Variants in FREM1 observed in about 807,000 individuals in gnomAD.
FREM1 encodes the protein FRAS1-related extracellular matrix protein 1.
In FREM1, 220 loss-of-function variants were observed where a neutral mutation model predicts 210.1. The observed-to-expected ratio is 1.05, with a 90% CI of 0.94 to 1.17. FREM1 has a LOEUF of 1.17. Ranked by LOEUF, FREM1 falls within the 50% of genes most tolerant of loss-of-function variation. FREM1 has a pLI of 0.00. For synonymous variants in FREM1, 1,189 were observed against 980.2 expected (o/e 1.21, Z -3.98); for missense variants, 3,454 against 2,675.5 (o/e 1.29, Z -6.42).
intron 13 of FREM1, among the ~76,000 whole-genome samples, chr9:14,822,164 G>A (rs1416363651): frequency 1.3e-5 from 2 of 152,162 alleles, no homozygotes; most frequent in Non-Finnish European, 2.9e-5. Context: ...CCATGGTTGT[G>A]AGGCTTCCCT....
chr9:14,860,673 A>G (rs1227811570), intron 3 of FREM1, among the ~76,000 whole-genome samples: 6 of 113,168 alleles, frequency 5.3e-5, no homozygotes, highest in Non-Finnish European at 8.3e-5. Context: ...ACATATATAC[A>G]CACATATATA....
intron 29 of FREM1, 69 bp downstream of exon 29, chr9:14,756,305 C>A (rs1339341719): frequency 8.9e-7 from 1 of 1,125,070 alleles, no homozygotes; most frequent in Admixed American, 2.3e-5. Flanking sequence ...TCTCTACAAT[C>A]TCCAGACATG....
intron 14 of FREM1, among the ~76,000 whole-genome samples, chr9:14,818,560 G>C (rs1295945888): frequency 6.6e-6 from 1 of 152,160 alleles, no homozygotes; most frequent in East Asian, 1.9e-4. Flanking sequence ...CATTGCTTTT[G>C]AATAGCTTGT....
At position 14,845,955 on chromosome 9, in the gene FREM1, T is replaced by TTCACC; in HGVS notation, c.1393_1393+4dup. On this transcript the variant is annotated splice_donor_region_variant and intron_variant, in intron 8 of 36. Transcript: ENST00000380880. ...TTTGCTAGGTTACCAAGTTGGATCA[T>TTCACC]TCACCTCTTAAAGTCAGCCATCCAT... The TTCACC allele has an allele frequency of 6.2e-7, 1 of 1,613,386 alleles. No individual in the cohort carries two copies. The highest frequency in any genetic ancestry group is 8.5e-7 in the Non-Finnish European group (1 of 1,179,536).
At chr9:14,786,865 G>A (rs899670135) in intron 23 of FREM1, among the ~76,000 whole-genome samples, 3 of 152,200 alleles carry the variant, frequency 2.0e-5, no homozygotes, top group Admixed American at 6.5e-5. Context: ...AAGGAAGTAA[G>A]AAGAATGAAT....
In FREM1 at chr9:14,859,266, G is replaced by A. The variant is rs1228729405; in HGVS notation, c.548C>T (p.Pro183Leu). 4 of 1,613,722 alleles carry A rather than the reference G, an allele frequency of 2.5e-6. No homozygotes were observed. The highest frequency in any genetic ancestry group is 3.4e-6 in the Non-Finnish European group (4 of 1,179,714). Residue 183 changes from proline to leucine, a missense_variant, in exon 4 of 37, where the codon CCA (proline) becomes CTA (leucine). By Grantham distance (98) the Pro-to-Leu change is moderately conservative (BLOSUM62 -3). Transcript: ENST00000380880. ...CCCGAGAACCATCTGGCCATGGGCTGGCAGCCGAGTTCTCGCAGTGTCCAG... is the reference window on the plus strand; with the variant it reads ...CCCGAGAACCATCTGGCCATGGGCTAGCAGCCGAGTTCTCGCAGTGTCCAG... ...VSLDTARTRL[P>L]AHGQMVLGEP...
rs867743559 is a variant in FREM1 at position 14,860,613 on chromosome 9, A to C, written c.330-1129T>G. ...TATATACATATATACACATATATAC[A>C]CACATATATATACACATATATACAC... On this transcript the variant is annotated intron_variant, in intron 3 of 36. Transcript: ENST00000380880. Among the ~76,000 whole-genome samples the C allele has an allele frequency of 2.8e-5, 4 of 141,466 alleles. No homozygotes were observed. In the South Asian group the frequency reaches 8.8e-4, roughly 31 times the overall value. 92.8% of individuals were successfully genotyped at this position (141,466 alleles called of 152,430 possible).
intron 21 of FREM1, among the ~76,000 whole-genome samples, chr9:14,793,637 G>T (rs4741432): frequency 0.97 from 148,001 of 152,272 alleles, 72,055 homozygotes; most frequent in Middle Eastern, 1. Flanking sequence ...TTTCCACCAG[G>T]GTTTCTAGCT....
intron 10 of FREM1, among the ~76,000 whole-genome samples, chr9:14,830,487 T>A (rs1407089869): frequency 6.6e-6 from 1 of 152,210 alleles, no homozygotes; most frequent in Non-Finnish European, 1.5e-5. Flanking sequence ...TATTTCTCAA[T>A]GGAGTTTGTT....
chr9:14,754,777 C>CA (rs537241618), intron 29 of FREM1, among the ~76,000 whole-genome samples: 37 of 151,970 alleles, frequency 2.4e-4, no homozygotes, highest in South Asian at 1.2e-3. Flanking sequence ...ACTAAAAATA[C>CA]AAAAAAATTA....
At chr9:14,804,430 A>G (rs988029827) in intron 19 of FREM1, among the ~76,000 whole-genome samples, 1 of 152,036 alleles carries the variant, frequency 6.6e-6, no homozygotes, top group Admixed American at 6.5e-5. Context: ...GTGAAAATAC[A>G]AAAAATTAGC....
intron 1 of FREM1, among the ~76,000 whole-genome samples, chr9:14,904,114 C>CAA (rs35708320): frequency 6.0e-3 from 430 of 71,262 alleles, no homozygotes; most frequent in East Asian, 0.014. Flanking sequence ...GACTCCGTCT[C>CAA]AAAAAAAAAA....
chr9:14,812,080 T>C (rs1264843329), intron 16 of FREM1, among the ~76,000 whole-genome samples: 2 of 152,170 alleles, frequency 1.3e-5, no homozygotes, highest in Non-Finnish European at 2.9e-5. Flanking sequence ...CACACTGTCA[T>C]CTTTGCATGC....
intron 2 of FREM1, 89 bp from the exon 3 acceptor site, chr9:14,863,992 T>A (rs1333768475): frequency 1.3e-6 from 1 of 779,356 alleles, no homozygotes; most frequent in Admixed American, 2.0e-5. Flanking sequence ...CTGGAGAAAA[T>A]ATGCTCTGTT....
chr9:14,889,767 GT>G (rs1207691960), intron 1 of FREM1, among the ~76,000 whole-genome samples: 1 of 152,162 alleles, frequency 6.6e-6, no homozygotes, highest in Non-Finnish European at 1.5e-5. Context: ...CCGGGGCCTT[GT>G]AAATTAGACT....
chr9:14,759,269 G>A (rs892718079), intron 28 of FREM1, among the ~76,000 whole-genome samples: 5 of 152,164 alleles, frequency 3.3e-5, no homozygotes, highest in Middle Eastern at 3.4e-3. Flanking sequence ...CAGCACTTTC[G>A]AAGGCCAAGG....
chr9:14,842,255 T>A (rs372173699), intron 9 of FREM1, 61 bp downstream of exon 9: 8 of 1,068,948 alleles, frequency 7.5e-6, no homozygotes, highest in Non-Finnish European at 1.1e-5. Flanking sequence ...GAAGGATGCA[T>A]AGAAGGTTCT....
intron 1 of FREM1, among the ~76,000 whole-genome samples, chr9:14,869,559 T>C (rs2131854413): frequency 6.6e-6 from 1 of 152,386 alleles, no homozygotes; most frequent in South Asian, 2.1e-4. Context: ...TTTTGTTCAC[T>C]GAGTTCATAG....
At chr9:14,854,359 A>G (rs1828330523) in intron 5 of FREM1, among the ~76,000 whole-genome samples, 2 of 152,172 alleles carry the variant, frequency 1.3e-5, no homozygotes, top group Non-Finnish European at 2.9e-5. Context: ...CTGAAATTCA[A>G]CAAAAATGTC....
Sources: gnomAD v4.1 joint callset for allele counts (sites outside exome capture counted in the v4.1 genomes callset) on GRCh38, gnomAD v4.1.1 for gene constraint, MANE v1.5 for transcripts, NCBI Gene and HGNC (gene_info 2026-07-23, HGNC 2026-07-21) for gene names.